DSCAML1: variants seen among roughly 807,000 people sequenced by gnomAD.
DSCAML1 encodes the protein DS cell adhesion molecule like 1.
A neutral mutation model predicts 200.5 loss-of-function variants in DSCAML1; 38 were observed. That is an observed-to-expected ratio of 0.19 (90% confidence interval 0.15 to 0.25). The LOEUF (loss-of-function observed/expected upper bound fraction) is 0.25, where lower values mean the gene tolerates loss of function less well. Among genes scored for constraint, DSCAML1 ranks in the 10% least tolerant of loss-of-function variants. The pLI, the probability that DSCAML1 is intolerant of heterozygous loss-of-function variation, is 1.00. For missense variants in DSCAML1, 2,223 were observed against 2,858.8 expected (o/e 0.78, Z 5.07); for synonymous variants, 1,215 against 1,165.0 (o/e 1.04, Z -0.87).
intron 3 of DSCAML1, among the ~76,000 whole-genome samples, chr11:117,546,361 C>T (rs754449475): frequency 1.8e-4 from 28 of 152,200 alleles, no homozygotes; most frequent in Admixed American, 1.5e-3. Flanking sequence ...TACCAGTTAA[C>T]GAGTGCACCC....
chr11:117,507,487 A>G (rs986943999), intron 8 of DSCAML1, among the ~76,000 whole-genome samples: 1 of 152,354 alleles, frequency 6.6e-6, no homozygotes, highest in African/African-American at 2.4e-5. Flanking sequence ...AAACCCAGGC[A>G]GCCCTTTGGA....
chr11:117,807,265 G>A (rs2055714666), intron 1 of DSCAML1, among the ~76,000 whole-genome samples: 1 of 152,206 alleles, frequency 6.6e-6, no homozygotes, highest in South Asian at 2.1e-4. Context: ...CTCTGCAGAT[G>A]GGGAACTGGA....
chr11:117,642,706 C>T lies in DSCAML1; in HGVS notation c.512-110184G>A, dbSNP rs546966502. 5.3e-5 allele frequency among the ~76,000 whole-genome samples: 8 copies of T among 152,304 alleles called. 1 individual carries two copies. In the South Asian group the frequency reaches 8.3e-4, roughly 16 times the overall value. ...TGCTTCTTGGGCCAGTGGATTGTCA[C>T]GATCCTGGCTCAGATGAAGACGTCA... On this transcript the variant is annotated intron_variant, in intron 3 of 32. Transcript: ENST00000651296. The surrounding 1 kb of genome is among the most constrained non-coding windows in gnomAD (Gnocchi z 4.1).
intron 1 of DSCAML1, among the ~76,000 whole-genome samples, chr11:117,795,060 C>G (rs977260620): frequency 3.3e-5 from 5 of 152,212 alleles, no homozygotes; most frequent in African/African-American, 9.6e-5. Context: ...TCTCCACCCC[C>G]AACCCCATCT....
At chr11:117,677,547 G>A (rs891069651) in intron 3 of DSCAML1, among the ~76,000 whole-genome samples, 7 of 152,066 alleles carry the variant, frequency 4.6e-5, no homozygotes, top group Non-Finnish European at 7.4e-5. Flanking sequence ...CTGTGGCTGC[G>A]GGGCAGGGGC....
intron 3 of DSCAML1, among the ~76,000 whole-genome samples, chr11:117,712,979 C>G (rs929782084): frequency 6.6e-6 from 1 of 152,044 alleles, no homozygotes; most frequent in Non-Finnish European, 1.5e-5. Context: ...CTTCCCAACT[C>G]CCCTTTTGCA....
Position 117,498,620 on chromosome 11 carries a change from T to G in DSCAML1, c.2359+5225A>C, listed in dbSNP as rs937026869. Reference sequence around the variant, plus strand: ...GACCATCTTGGATCTCCAGACGCACTTTTCCAAAGTTTTGCATCCTGACCT... The same window carrying G: ...GACCATCTTGGATCTCCAGACGCACGTTTCCAAAGTTTTGCATCCTGACCT... On this transcript the variant is annotated intron_variant, in intron 11 of 32. Transcript: ENST00000651296. The surrounding 1 kb of genome is among the most constrained non-coding windows in gnomAD (Gnocchi z 4.0). Among the ~76,000 whole-genome samples the G allele has an allele frequency of 6.6e-6, 1 of 152,128 alleles. No individual in the cohort carries two copies. The highest frequency in any genetic ancestry group is 2.4e-5 in the African/African-American group (1 of 41,410).
chr11:117,800,203 A>G (rs1314611119), upstream of DSCAML1, among the ~76,000 whole-genome samples: 1 of 152,128 alleles, frequency 6.6e-6, no homozygotes, highest in Admixed American at 6.5e-5. Flanking sequence ...CCTCTTCGAC[A>G]GGAGTTGTAT....
chr11:117,439,187 G>A, intron 23 of DSCAML1, 79 bp downstream of exon 23: 1 of 1,551,930 alleles, frequency 6.4e-7, no homozygotes, highest in Non-Finnish European at 8.8e-7. Context: ...TCCATTCGAT[G>A]ACCCTCTCGC....
At chr11:117,765,689 A>G (rs938932494) in intron 3 of DSCAML1, among the ~76,000 whole-genome samples, 3 of 152,234 alleles carry the variant, frequency 2.0e-5, no homozygotes, top group Non-Finnish European at 4.4e-5. Context: ...AAAATACATT[A>G]TATACATGGA....
chr11:117,522,279 A>G (rs1169770227), intron 5 of DSCAML1, among the ~76,000 whole-genome samples: 2 of 152,192 alleles, frequency 1.3e-5, no homozygotes, highest in Admixed American at 6.5e-5. Context: ...CCCGCTGTGT[A>G]TAACTCACAC....
intron 8 of DSCAML1, among the ~76,000 whole-genome samples, chr11:117,511,437 C>G (rs1192068366): frequency 6.6e-6 from 1 of 152,202 alleles, no homozygotes; most frequent in East Asian, 1.9e-4. Context: ...AAACATTCAG[C>G]CTGCATGCCC....
rs10684152 is a variant in DSCAML1, at chr11:117,714,826, G to GGGAA, written c.511+61964_511+61965insTTCC. On this transcript the variant is annotated intron_variant, in intron 3 of 32. Transcript: ENST00000651296. ...GACAAGAGTGAAACTTCATCTTGAG[G>GGGAA]AAAAAAAAAAAAAAAAAGGAAGGTG... Among the ~76,000 whole-genome samples the GGGAA allele has an allele frequency of 5.2e-5, 6 of 115,552 alleles. 1 individual carries two copies. Among genetic ancestry groups the GGGAA allele is most frequent in the African/African-American group, 1.0e-4 (3 of 29,558 alleles). 75.8% of individuals were successfully genotyped at this position (115,552 alleles called of 152,430 possible). A position where few individuals can be genotyped will look rare whatever the true frequency, so the allele number is the denominator to read the frequency against.
At chr11:117,733,018 G>A (rs529451745) in intron 3 of DSCAML1, among the ~76,000 whole-genome samples, 1 of 152,242 alleles carries the variant, frequency 6.6e-6, no homozygotes, top group South Asian at 2.1e-4. Context: ...TATTTAGTCT[G>A]CAATTAAAGA....
At chr11:117,760,568 C>A (rs1245936991) in intron 3 of DSCAML1, among the ~76,000 whole-genome samples, 1 of 152,220 alleles carries the variant, frequency 6.6e-6, no homozygotes, top group Non-Finnish European at 1.5e-5. Context: ...ATTTCCCCTG[C>A]AGCATAGTAT....
intron 3 of DSCAML1, among the ~76,000 whole-genome samples, chr11:117,550,336 G>C (rs966738008): frequency 1.2e-4 from 19 of 152,314 alleles, no homozygotes; most frequent in Admixed American, 1.1e-3. Flanking sequence ...CACAGAGTTA[G>C]AGAACAACAC....
chr11:117,662,300 C>T (rs562568315), intron 3 of DSCAML1, among the ~76,000 whole-genome samples: 2 of 152,180 alleles, frequency 1.3e-5, no homozygotes, highest in African/African-American at 4.8e-5. Flanking sequence ...GCAAACGCTC[C>T]CTTTCATGGA....
intron 3 of DSCAML1, among the ~76,000 whole-genome samples, chr11:117,696,947 C>T (rs1164272440): frequency 1.3e-5 from 2 of 152,186 alleles, no homozygotes; most frequent in African/African-American, 4.8e-5. Context: ...CCTGAAAACC[C>T]CACCTCCTCC....
In DSCAML1 at chr11:117,469,413, C is replaced by G. The variant is rs1173716509; in HGVS notation, c.3024+497G>C. Among the ~76,000 whole-genome samples, 1 of 152,182 alleles carries G rather than the reference C, an allele frequency of 6.6e-6. No homozygotes were observed. Among genetic ancestry groups the G allele is most frequent in the African/African-American group, 2.4e-5 (1 of 41,440 alleles). ...TAAGATTTTCCTTAAGTGACAGATG[C>G]TTCAGTCACCCCCTATATTTTACAG... On this transcript the variant is annotated intron_variant, in intron 16 of 32. Coordinates refer to ENST00000651296, the MANE Select transcript of DSCAML1 (RefSeq NM_020693.4). This position sits in a 1 kb window ranked among gnomAD's most constrained non-coding sequence, Gnocchi z 4.1.
Sources: gnomAD v4.1 joint callset for allele counts (sites outside exome capture counted in the v4.1 genomes callset) on GRCh38, gnomAD v4.1.1 for gene constraint, Gnocchi (gnomAD v3.1) non-coding constraint, MANE v1.5 for transcripts, NCBI Gene and HGNC (gene_info 2026-07-23, HGNC 2026-07-21) for gene names.